Variants in GABRB1 observed in about 807,000 individuals in gnomAD.
GABRB1 encodes the protein gamma-aminobutyric acid type A receptor subunit beta1.
In GABRB1, 17 loss-of-function variants were observed where a neutral mutation model predicts 51.6. The ratio of observed to expected loss-of-function variants is 0.33; its 90% CI spans 0.23 to 0.49. The LOEUF is 0.49. Among genes scored for constraint, GABRB1 ranks in the 20% least tolerant of loss-of-function variants. The pLI is 0.99. For synonymous variants in GABRB1, 247 were observed against 218.9 expected (o/e 1.13, Z -1.14); for missense variants, 410 against 600.6 (o/e 0.68, Z 3.32).
chr4:47,273,840 G>C (rs1477053224), intron 4 of GABRB1, among the ~76,000 whole-genome samples: 1 of 146,650 alleles, frequency 6.8e-6, no homozygotes, highest in Non-Finnish European at 1.5e-5. Flanking sequence ...GACACAATCT[G>C]TTTGAAAGTA....
At chr4:47,379,662 G>T (rs745705153) in intron 5 of GABRB1, among the ~76,000 whole-genome samples, 1 of 152,160 alleles carries the variant, frequency 6.6e-6, no homozygotes, top group African/African-American at 2.4e-5. Flanking sequence ...TTAACCATAT[G>T]AGGTTGTTCT....
At chr4:47,320,465 A>T (rs1034420384) in intron 5 of GABRB1, among the ~76,000 whole-genome samples, 1 of 152,200 alleles carries the variant, frequency 6.6e-6, no homozygotes, top group African/African-American at 2.4e-5. Flanking sequence ...TTTCTCCCAA[A>T]GCCTTCCAAT....
chr4:47,167,899 T>G lies in GABRB1; in HGVS notation c.461+6430T>G, dbSNP rs1718263775. On this transcript the variant is annotated intron_variant, in intron 4 of 8. Transcript: ENST00000295454. Reference sequence around the variant, plus strand: ...CCTCCAGAACTGGGAGCCAGTAAATTTCTGTTTATTATAAATTACCCAGTT... The same window carrying G: ...CCTCCAGAACTGGGAGCCAGTAAATGTCTGTTTATTATAAATTACCCAGTT... 2.6e-5 allele frequency among the ~76,000 whole-genome samples: 4 copies of G among 152,292 alleles called. No homozygotes were observed. The South Asian group carries it at 8.3e-4, about 32-fold the overall frequency.
intron 4 of GABRB1, among the ~76,000 whole-genome samples, chr4:47,185,037 A>G (rs1365685414): frequency 1.3e-5 from 2 of 151,646 alleles, no homozygotes; most frequent in Admixed American, 6.6e-5. Context: ...ATCGGATTTC[A>G]CTCCTCTAAA....
chr4:47,263,223 T>TAAATAAATAAATAAAA (rs1159804597), intron 4 of GABRB1, among the ~76,000 whole-genome samples: 2 of 147,958 alleles, frequency 1.4e-5, no homozygotes, highest in African/African-American at 5.0e-5. Flanking sequence ...AATAAATAAA[T>TAAATAAATAAATAAAA]AATGGAAAAG....
At chr4:47,299,537 G>T (rs1436632241) in intron 4 of GABRB1, among the ~76,000 whole-genome samples, 2 of 152,176 alleles carry the variant, frequency 1.3e-5, no homozygotes, top group Non-Finnish European at 2.9e-5. Flanking sequence ...AAACCACAAT[G>T]AGATACCATC....
chr4:47,032,323 T>A (rs1015374262), intron 2 of GABRB1, 94 bp from the exon 3 acceptor site: 3 of 1,175,512 alleles, frequency 2.6e-6, no homozygotes, highest in African/African-American at 3.1e-5. Flanking sequence ...GGGAGCCCGT[T>A]AAGAATGGAG....
intron 3 of GABRB1, among the ~76,000 whole-genome samples, chr4:47,155,896 A>G (rs1296249389): frequency 1.1e-5 from 1 of 90,792 alleles, no homozygotes; most frequent in Non-Finnish European, 2.4e-5. Flanking sequence ...TCTTTTACTC[A>G]TACTAAAAAG....
At chr4:47,175,920 GA>G (rs1271831694) in intron 4 of GABRB1, among the ~76,000 whole-genome samples, 1 of 152,160 alleles carries the variant, frequency 6.6e-6, no homozygotes, top group African/African-American at 2.4e-5. Flanking sequence ...TTGTTACACT[GA>G]AGGTGATTAT....
intron 4 of GABRB1, among the ~76,000 whole-genome samples, chr4:47,264,441 A>G (rs932837997): frequency 3.3e-5 from 5 of 152,224 alleles, no homozygotes; most frequent in African/African-American, 9.6e-5. Flanking sequence ...ATACTGGAAC[A>G]TCCAGTATCC....
chr4:47,389,854 C>T (rs1727924901), intron 5 of GABRB1, among the ~76,000 whole-genome samples: 1 of 152,200 alleles, frequency 6.6e-6, no homozygotes, highest in Non-Finnish European at 1.5e-5. Flanking sequence ...TGTCTCCTCT[C>T]ATGTGGGAAG....
intron 4 of GABRB1, among the ~76,000 whole-genome samples, chr4:47,270,844 A>G (rs1364208656): frequency 6.6e-6 from 1 of 152,150 alleles, no homozygotes; most frequent in Admixed American, 6.5e-5. Flanking sequence ...AAGAACTTCA[A>G]ATGGTTTGTT....
chr4:47,422,034 T>G (rs1480215859), intron 8 of GABRB1, among the ~76,000 whole-genome samples: 1 of 152,090 alleles, frequency 6.6e-6, no homozygotes, highest in Non-Finnish European at 1.5e-5. Flanking sequence ...GCACATGACT[T>G]TTTCAATTAT....
At chr4:47,393,507 C>A (rs912468176) in intron 5 of GABRB1, among the ~76,000 whole-genome samples, 1 of 152,176 alleles carries the variant, frequency 6.6e-6, no homozygotes, top group African/African-American at 2.4e-5. Context: ...AATTACCTTA[C>A]TCTTCTTGGC....
intron 3 of GABRB1, among the ~76,000 whole-genome samples, chr4:47,126,197 A>G (rs1716136173): frequency 6.6e-6 from 1 of 152,132 alleles, no homozygotes; most frequent in South Asian, 2.1e-4. Context: ...CAGAAAGACA[A>G]ATACTGCATA....
chr4:47,189,607 C>T (rs1719344455), intron 4 of GABRB1, among the ~76,000 whole-genome samples: 1 of 151,662 alleles, frequency 6.6e-6, no homozygotes, highest in Admixed American at 6.6e-5. Flanking sequence ...GGATTGAGTC[C>T]CTGCATTTAT....
chr4:47,141,162 T>C (rs964231817), intron 3 of GABRB1, among the ~76,000 whole-genome samples: 1 of 151,930 alleles, frequency 6.6e-6, no homozygotes, highest in Non-Finnish European at 1.5e-5. Context: ...AGATGTCAGA[T>C]AATAAGAGAG....
intron 4 of GABRB1, among the ~76,000 whole-genome samples, chr4:47,318,735 GT>G (rs1724970124): frequency 1.3e-5 from 2 of 152,036 alleles, no homozygotes; most frequent in African/African-American, 4.8e-5. Flanking sequence ...GGTCAGTGAA[GT>G]GTGAGAGTAA....
At chr4:47,386,573 G>A (rs1727800998) in intron 5 of GABRB1, among the ~76,000 whole-genome samples, 2 of 152,156 alleles carry the variant, frequency 1.3e-5, no homozygotes, top group South Asian at 4.1e-4. Context: ...TAAAACATAT[G>A]TACCTACATA....
Sources: allele counts gnomAD v4.1 joint callset (sites outside exome capture counted in the v4.1 genomes callset), GRCh38; gene constraint gnomAD v4.1.1; transcripts MANE v1.5; gene names NCBI Gene and HGNC (gene_info 2026-07-23, HGNC 2026-07-21).